Variants in CDH13 observed in about 807,000 individuals in gnomAD.
CDH13 encodes the protein cadherin-13.
Under a neutral mutation model 63.8 loss-of-function variants are expected in CDH13, and 24 were observed. The observed-to-expected ratio is 0.38, with a 90% CI of 0.27 to 0.53. CDH13 has a LOEUF of 0.53. CDH13 is among the 20% of genes least tolerant of loss of function. The pLI, the probability that CDH13 is intolerant of heterozygous loss-of-function variation, is 0.85. For missense variants in CDH13, 1,049 were observed against 903.1 expected (o/e 1.16, Z -2.07); for synonymous variants, 503 against 355.3 (o/e 1.42, Z -4.67).
chr16:82,705,353 A>C, intron 1 of CDH13: 3 of 350,608 alleles, frequency 8.6e-6, no homozygotes, highest in South Asian at 6.6e-5. Flanking sequence ...GAGATATAAC[A>C]ATTAGAATTC....
chr16:83,534,454 G>C (rs1470294927), intron 7 of CDH13, among the ~76,000 whole-genome samples: 1 of 152,170 alleles, frequency 6.6e-6, no homozygotes, highest in African/African-American at 2.4e-5. Context: ...TCTTGCTGTT[G>C]AATCTGACAT....
chr16:82,877,762 A>G (rs1868650286), intron 2 of CDH13, among the ~76,000 whole-genome samples: 1 of 151,610 alleles, frequency 6.6e-6, no homozygotes, highest in South Asian at 2.1e-4. Context: ...ATCTCTCCTA[A>G]AGTTACTTGC....
intron 6 of CDH13, among the ~76,000 whole-genome samples, chr16:83,395,103 G>A (rs555684638): frequency 6.1e-5 from 9 of 146,712 alleles, no homozygotes; most frequent in East Asian, 6.1e-4. Context: ...AGCCAAGATC[G>A]TGCCATTGCA....
At chr16:83,006,924 G>GTTTTTT (rs1286586839) in intron 2 of CDH13, among the ~76,000 whole-genome samples, 2 of 127,650 alleles carry the variant, frequency 1.6e-5, no homozygotes, top group African/African-American at 2.9e-5. Context: ...TTGTTTGTTT[G>GTTTTTT]TTTGTTTGTT....
rs540824600 is a variant in CDH13 at position 83,415,674 on chromosome 16, T to A, written c.781+70668T>A. On this transcript the variant is annotated intron_variant, in intron 6 of 13. Transcript: ENST00000567109. ...ATAAAAACCACATGATTGTCTCAGATGCAGAAAAAGTACTTGACAAAATTC... is the reference window on the plus strand; with the variant it reads ...ATAAAAACCACATGATTGTCTCAGAAGCAGAAAAAGTACTTGACAAAATTC... 2.6e-5 allele frequency among the ~76,000 whole-genome samples: 4 copies of A among 152,210 alleles called. No homozygotes were observed. In the South Asian group the frequency reaches 6.2e-4, roughly 24 times the overall value.
chr16:83,078,935 C>G (rs542185503), intron 3 of CDH13, among the ~76,000 whole-genome samples: 1 of 152,250 alleles, frequency 6.6e-6, no homozygotes, highest in South Asian at 2.1e-4. Context: ...GCTGGGATTA[C>G]ACGTGTGCAC....
chr16:82,739,358 A>G (rs1209222396), intron 1 of CDH13, among the ~76,000 whole-genome samples: 1 of 152,188 alleles, frequency 6.6e-6, no homozygotes, highest in Non-Finnish European at 1.5e-5. Flanking sequence ...GTTTCCTACC[A>G]AGAATTTCCA....
At chr16:82,821,732 C>A (rs1320704509) in intron 1 of CDH13, among the ~76,000 whole-genome samples, 1 of 152,222 alleles carries the variant, frequency 6.6e-6, no homozygotes, top group African/African-American at 2.4e-5. Flanking sequence ...TGTTTGGGGA[C>A]TGGGGATGGT....
chr16:83,089,872 C>T (rs1279369298), intron 3 of CDH13, among the ~76,000 whole-genome samples: 1 of 152,120 alleles, frequency 6.6e-6, no homozygotes, highest in African/African-American at 2.4e-5. Context: ...TTTCTGATTT[C>T]AAGTCTCTGG....
chr16:83,558,155 T>C (rs181660409), intron 7 of CDH13, among the ~76,000 whole-genome samples: 425 of 152,278 alleles, frequency 2.8e-3, no homozygotes, highest in South Asian at 5.2e-3. Context: ...ATGTCACCTG[T>C]TGTAGAGGGG....
At chr16:83,531,307 C>G (rs1274754016) in intron 7 of CDH13, among the ~76,000 whole-genome samples, 1 of 152,196 alleles carries the variant, frequency 6.6e-6, no homozygotes, top group Non-Finnish European at 1.5e-5. Flanking sequence ...CTGGCATGGC[C>G]TGAAGGCAGC....
intron 3 of CDH13, among the ~76,000 whole-genome samples, chr16:83,117,393 T>A (rs1314634227): frequency 1.7e-5 from 2 of 119,438 alleles, no homozygotes; most frequent in African/African-American, 5.7e-5. Context: ...TCTTCCTCCA[T>A]CTTCCACTGC....
chr16:83,305,277 A>C (rs2089848208), intron 5 of CDH13, among the ~76,000 whole-genome samples: 2 of 152,180 alleles, frequency 1.3e-5, no homozygotes, highest in Admixed American at 1.3e-4. Flanking sequence ...GTTCAATCAG[A>C]AGCAGGGGAG....
At chr16:82,964,957 T>C (rs1023238855) in intron 2 of CDH13, among the ~76,000 whole-genome samples, 2 of 152,202 alleles carry the variant, frequency 1.3e-5, no homozygotes, top group African/African-American at 4.8e-5. Flanking sequence ...CCTCCAAGAA[T>C]ATCACCCCAC....
chr16:83,029,267 C>G (rs756420308), intron 2 of CDH13, among the ~76,000 whole-genome samples: 2 of 152,004 alleles, frequency 1.3e-5, no homozygotes, highest in Non-Finnish European at 2.9e-5. Context: ...TGTGCTAGGA[C>G]CTATGTAGAT....
At chr16:82,934,724 T>TAGGGCA (rs1280361349) in intron 2 of CDH13, among the ~76,000 whole-genome samples, 1 of 152,148 alleles carries the variant, frequency 6.6e-6, no homozygotes, top group Non-Finnish European at 1.5e-5. Context: ...CACAGATCTC[T>TAGGGCA]AGGGCAAGGG....
At chr16:82,835,735 T>C (rs189758102) in intron 1 of CDH13, among the ~76,000 whole-genome samples, 77 of 152,326 alleles carry the variant, frequency 5.1e-4, no homozygotes, top group African/African-American at 1.8e-3. Flanking sequence ...TCTCAACTCA[T>C]GCACAGGAGG....
intron 2 of CDH13, among the ~76,000 whole-genome samples, chr16:83,029,331 T>C (rs1402966291): frequency 6.6e-6 from 1 of 152,198 alleles, no homozygotes; most frequent in Non-Finnish European, 1.5e-5. Flanking sequence ...AGGATCTATG[T>C]AGCTGTTGTT....
At chr16:83,089,267 G>T (rs1033027515) in intron 3 of CDH13, among the ~76,000 whole-genome samples, 1 of 152,182 alleles carries the variant, frequency 6.6e-6, no homozygotes, top group Non-Finnish European at 1.5e-5. Flanking sequence ...TTGATCATTA[G>T]CGTATAGACT....
Sources: gnomAD v4.1 joint callset for allele counts (sites outside exome capture counted in the v4.1 genomes callset) on GRCh38, gnomAD v4.1.1 for gene constraint, MANE v1.5 for transcripts, NCBI Gene and HGNC (gene_info 2026-07-23, HGNC 2026-07-21) for gene names.